Variants in PPARGC1A observed in about 807,000 individuals in gnomAD.
PPARGC1A encodes PPARG coactivator 1 alpha.
Under a neutral mutation model 88.7 loss-of-function variants are expected in PPARGC1A, and 25 were observed. The observed-to-expected ratio is 0.28, with a 90% CI of 0.21 to 0.39. The LOEUF is 0.39. Among genes scored for constraint, PPARGC1A ranks in the 10% least tolerant of loss-of-function variants. PPARGC1A has a pLI of 1.00. For synonymous variants in PPARGC1A, 363 were observed against 355.6 expected (o/e 1.02, Z -0.24); for missense variants, 880 against 968.7 (o/e 0.91, Z 1.22).
chr4:24,051,468 A>G, the PPARGC1A span, among the ~76,000 whole-genome samples: 5 of 152,200 alleles, frequency 3.3e-5, no homozygotes, highest in African/African-American at 1.2e-4. Flanking sequence ...TTCATTCTCT[A>G]TCTTAACACT....
chr4:23,991,133 A>C, the PPARGC1A span, among the ~76,000 whole-genome samples: 15 of 152,204 alleles, frequency 9.9e-5, no homozygotes, highest in Admixed American at 2.0e-4. Context: ...CTCAAAGGTC[A>C]GTCATAAATG....
the PPARGC1A span, among the ~76,000 whole-genome samples, chr4:24,203,871 T>C: frequency 6.6e-6 from 1 of 152,240 alleles, no homozygotes; most frequent in Admixed American, 6.5e-5. Context: ...TGCCTATAGG[T>C]GCTTTGAAGT....
chr4:24,464,075 A>G, the PPARGC1A span, among the ~76,000 whole-genome samples: 5 of 152,260 alleles, frequency 3.3e-5, no homozygotes, highest in Non-Finnish European at 7.3e-5. Context: ...GAGGCAAACT[A>G]CAGTTTATAA....
At position 23,831,637 on chromosome 4, in the gene PPARGC1A, C is replaced by G. The variant is rs754009449; in HGVS notation, c.349G>C (p.Val117Leu). Residue 117 changes from valine to leucine, a missense_variant, in exon 3 of 13, where the codon GTG becomes CTG. Coordinates refer to ENST00000264867, the MANE Select transcript of PPARGC1A (RefSeq NM_013261.5). ...GGACTAGCCTCATTGTCAGTGGTCA[C>G]GTCTCCATCTGTCAGCGCATCAAAT... ...PSFDALTDGD[V>L]TTDNEASPSS... is the part of the protein sequence containing the mutation. 1 of 1,614,116 alleles carries G rather than the reference C, an allele frequency of 6.2e-7. No individual in the cohort carries two copies. Among genetic ancestry groups the G allele is most frequent in the Non-Finnish European group, 8.5e-7 (1 of 1,179,992 alleles).
chr4:24,008,577 T>C, the PPARGC1A span, among the ~76,000 whole-genome samples: 1 of 152,164 alleles, frequency 6.6e-6, no homozygotes, highest in Non-Finnish European at 1.5e-5. Context: ...TTTACAAAGC[T>C]AAACGCCAAT....
chr4:24,007,707 G>A, the PPARGC1A span, among the ~76,000 whole-genome samples: 4 of 152,244 alleles, frequency 2.6e-5, no homozygotes, highest in Middle Eastern at 3.4e-3. Context: ...GAGGGAGGGA[G>A]TCCAACCATG....
the PPARGC1A span, among the ~76,000 whole-genome samples, chr4:24,155,596 G>A: frequency 8.6e-6 from 1 of 116,452 alleles, no homozygotes; most frequent in Non-Finnish European, 1.7e-5. Context: ...ACAAAACCCT[G>A]TCAAAAAAAA....
the PPARGC1A span, among the ~76,000 whole-genome samples, chr4:24,361,091 C>T: frequency 5.3e-5 from 8 of 152,134 alleles, no homozygotes; most frequent in Middle Eastern, 3.2e-3. Context: ...TGACCACTTG[C>T]TCCAGTGTGG....
chr4:24,333,810 T>G, the PPARGC1A span, among the ~76,000 whole-genome samples: 49 of 150,364 alleles, frequency 3.3e-4, no homozygotes, highest in Non-Finnish European at 3.4e-4. Context: ...GGCGGGTGCC[T>G]GTAACCCCAT....
the PPARGC1A span, among the ~76,000 whole-genome samples, chr4:23,951,639 G>A: frequency 1.3e-5 from 2 of 152,272 alleles, no homozygotes; most frequent in Admixed American, 6.5e-5. Context: ...AGTCTCAGGA[G>A]AGCCTTTGGC....
At chr4:23,804,159 C>A (rs531339834) in intron 10 of PPARGC1A, among the ~76,000 whole-genome samples, 43 of 152,280 alleles carry the variant, frequency 2.8e-4, no homozygotes, top group African/African-American at 8.2e-4. Flanking sequence ...GCCTGAGGAA[C>A]CTCACACTAC....
chr4:24,117,292 A>C, the PPARGC1A span, among the ~76,000 whole-genome samples: 1 of 152,134 alleles, frequency 6.6e-6, no homozygotes, highest in African/African-American at 2.4e-5. Flanking sequence ...AAACAGAGCT[A>C]ACATTAGTAC....
the PPARGC1A span, among the ~76,000 whole-genome samples, chr4:24,191,518 T>C: frequency 6.6e-6 from 1 of 152,198 alleles, no homozygotes; most frequent in Admixed American, 6.5e-5. Flanking sequence ...GTTGTGATTT[T>C]CAGCTGCTTG....
chr4:24,468,427 T>TC, the PPARGC1A span, among the ~76,000 whole-genome samples: 9 of 151,772 alleles, frequency 5.9e-5, no homozygotes, highest in South Asian at 2.1e-4. Flanking sequence ...AAGCAGATGC[T>TC]CCCCCCCGCA....
the PPARGC1A span, among the ~76,000 whole-genome samples, chr4:24,267,492 A>G: frequency 6.6e-6 from 1 of 152,162 alleles, no homozygotes; most frequent in Non-Finnish European, 1.5e-5. Context: ...TTTGAATAAC[A>G]TATTCATTGG....
At chr4:24,404,965 T>TTC in the PPARGC1A span, among the ~76,000 whole-genome samples, 1 of 152,160 alleles carries the variant, frequency 6.6e-6, no homozygotes, top group African/African-American at 2.4e-5. Context: ...AATGATCACT[T>TTC]ACGCACACTT....
the PPARGC1A span, among the ~76,000 whole-genome samples, chr4:24,179,645 G>A: frequency 4.6e-5 from 7 of 152,162 alleles, no homozygotes; most frequent in African/African-American, 1.4e-4. Flanking sequence ...CACTGCAAAA[G>A]CATGCATGAA....
the PPARGC1A span, among the ~76,000 whole-genome samples, chr4:24,388,676 G>T: frequency 6.6e-6 from 1 of 152,156 alleles, no homozygotes; most frequent in Admixed American, 6.5e-5. Context: ...GCAAGGACAT[G>T]GATGAATCTG....
the PPARGC1A span, among the ~76,000 whole-genome samples, chr4:23,941,048 TTTATTA>T: frequency 6.6e-6 from 1 of 152,100 alleles, no homozygotes; most frequent in Admixed American, 6.6e-5. Flanking sequence ...TTTTCTTAAT[TTTATTA>T]TTATTATAAT....
Sources: allele counts gnomAD v4.1 joint callset (sites outside exome capture counted in the v4.1 genomes callset), GRCh38; gene constraint gnomAD v4.1.1; transcripts MANE v1.5; gene names NCBI Gene and HGNC (gene_info 2026-07-23, HGNC 2026-07-21).